Variants in ULK4 observed in about 807,000 individuals in gnomAD.
ULK4 encodes unc-51 like kinase 4.
A neutral mutation model predicts 160.6 loss-of-function variants in ULK4; 133 were observed. That is an observed-to-expected ratio of 0.83 (90% CI 0.72 to 0.96). The LOEUF (loss-of-function observed/expected upper bound fraction) is 0.96. ULK4 is among the 40% of genes least tolerant of loss of function. The pLI, the probability that ULK4 is intolerant of heterozygous loss-of-function variation, is 0.00. For synonymous variants in ULK4, 534 were observed against 539.8 expected, an observed-to-expected ratio of 0.99 and a Z score of 0.15; for missense variants, 1,580 against 1,499.5, an observed-to-expected ratio of 1.05 and a Z score of -0.89.
At chr3:41,721,150 A>G (rs1407009427) in intron 22 of ULK4, among the ~76,000 whole-genome samples, 1 of 150,620 alleles carries the variant, frequency 6.6e-6, no homozygotes, top group Non-Finnish European at 1.5e-5. Context: ...ATATTTGCTT[A>G]GATTTTTAAA....
At chr3:41,275,599 T>C (rs1473057039) in intron 35 of ULK4, among the ~76,000 whole-genome samples, 1 of 150,720 alleles carries the variant, frequency 6.6e-6, no homozygotes, top group East Asian at 2.0e-4. Flanking sequence ...TTTAAGAGAA[T>C]GGCCAAAGGG....
intron 19 of ULK4, 54 bp from the exon 20 acceptor site, chr3:41,800,347 T>A: frequency 6.6e-7 from 1 of 1,522,342 alleles, no homozygotes; most frequent in Non-Finnish European, 9.0e-7. Flanking sequence ...ATACATGTTA[T>A]TTCTTTATGA....
chr3:41,918,416 G>T, intron 7 of ULK4, 41 bp downstream of exon 7: 1 of 1,414,198 alleles, frequency 7.1e-7, no homozygotes, highest in Non-Finnish European at 9.7e-7. Context: ...TTTAATCAGT[G>T]TAAAATGTAA....
intron 20 of ULK4, among the ~76,000 whole-genome samples, chr3:41,794,654 C>G (rs2040240691): frequency 3.5e-5 from 1 of 28,360 alleles, no homozygotes; most frequent in Non-Finnish European, 5.9e-5. Context: ...GAGCAAGACT[C>G]TGTCTCAAAA....
At chr3:41,940,900 C>T (rs894481570) in intron 2 of ULK4, among the ~76,000 whole-genome samples, 4 of 152,002 alleles carry the variant, frequency 2.6e-5, no homozygotes, top group African/African-American at 7.3e-5. Context: ...TAAGTTGTTT[C>T]GGAGGTTTTG....
intron 30 of ULK4, among the ~76,000 whole-genome samples, chr3:41,655,845 T>C (rs1007155298): frequency 1.3e-5 from 2 of 152,234 alleles, no homozygotes; most frequent in African/African-American, 2.4e-5. Flanking sequence ...ACATCTCTGA[T>C]GATTTGGGCT....
intron 35 of ULK4, among the ~76,000 whole-genome samples, chr3:41,288,754 C>T (rs141485332): frequency 3.3e-5 from 5 of 152,280 alleles, no homozygotes; most frequent in Non-Finnish European, 7.4e-5. Context: ...GACCTTATAC[C>T]CCCAGTGTAT....
intron 30 of ULK4, among the ~76,000 whole-genome samples, chr3:41,652,896 A>G (rs1354147203): frequency 6.6e-6 from 1 of 152,164 alleles, no homozygotes; most frequent in Non-Finnish European, 1.5e-5. Flanking sequence ...CCAAAATTTG[A>G]TCTTGCTTCA....
At chr3:41,513,277 AC>A (rs2085647612) in intron 32 of ULK4, among the ~76,000 whole-genome samples, 1 of 152,246 alleles carries the variant, frequency 6.6e-6, no homozygotes, top group African/African-American at 2.4e-5. Context: ...AGCAAATGCA[AC>A]AAAAAACAAA....
rs559786211 is a variant in ULK4 at position 41,357,310 on chromosome 3, T to C, written c.3678+40769A>G. Reference sequence around the variant, plus strand: ...CAACCTAGACTCAACATGAAAACCTTGCCTCCTCAAGAAAGATATCATAGG... The same window carrying C: ...CAACCTAGACTCAACATGAAAACCTCGCCTCCTCAAGAAAGATATCATAGG... On this transcript the variant is annotated intron_variant, in intron 35 of 36. Coordinates refer to ENST00000301831, the MANE Select transcript of ULK4 (RefSeq NM_017886.4). Among the ~76,000 whole-genome samples the C allele has an allele frequency of 2.6e-4, 40 of 152,228 alleles. No homozygotes were observed. In the East Asian group the frequency reaches 7.5e-3, roughly 29 times the overall value.
At chr3:41,886,140 G>T (rs950989407) in intron 16 of ULK4, among the ~76,000 whole-genome samples, 2 of 152,162 alleles carry the variant, frequency 1.3e-5, no homozygotes, top group African/African-American at 4.8e-5. Flanking sequence ...GATAATCCAT[G>T]TGCAGAAAGT....
At chr3:41,696,789 CA>C (rs2036519299) in intron 27 of ULK4, among the ~76,000 whole-genome samples, 1 of 151,946 alleles carries the variant, frequency 6.6e-6, no homozygotes, top group South Asian at 2.1e-4. Flanking sequence ...CAGGTGGGTC[CA>C]ATATAATAAT....
At chr3:41,324,269 G>A (rs1329876949) in intron 35 of ULK4, among the ~76,000 whole-genome samples, 1 of 152,176 alleles carries the variant, frequency 6.6e-6, no homozygotes, top group African/African-American at 2.4e-5. Context: ...ACTGTGCAAA[G>A]GCCATTAATC....
chr3:41,495,802 T>A (rs2084967256), intron 32 of ULK4, among the ~76,000 whole-genome samples: 1 of 151,602 alleles, frequency 6.6e-6, no homozygotes, highest in South Asian at 2.1e-4. Flanking sequence ...AGAAGACATT[T>A]ACGCAGCCAA....
chr3:41,323,703 CCCA>C (rs2080289419), intron 35 of ULK4, among the ~76,000 whole-genome samples: 1 of 151,996 alleles, frequency 6.6e-6, no homozygotes, highest in Non-Finnish European at 1.5e-5. Flanking sequence ...AAATCTCACT[CCCA>C]CGAGTGCTTA....
chr3:41,255,129 T>TACACACACACACAC (rs369404667), intron 35 of ULK4, among the ~76,000 whole-genome samples: 2,849 of 144,210 alleles, frequency 0.02, 70 homozygotes, highest in East Asian at 0.12. Flanking sequence ...AAATTATGGC[T>TACACACACACACAC]ACACACACAC....
rs1491269559 is a variant in ULK4, at chr3:41,794,685, A to AAC, written c.2011-4844_2011-4843dup. On this transcript the variant is annotated intron_variant, in intron 20 of 36. Coordinates refer to ENST00000301831, the MANE Select transcript of ULK4 (RefSeq NM_017886.4). ...CAAAAAAAAAAAAAAAAAAAAAAAA[A>AAC]ACACAGAAAAAAAAACCACAAACCT... 1.6e-5 allele frequency among the ~76,000 whole-genome samples: 2 copies of AAC among 129,028 alleles called. 1 individual carries two copies. Among genetic ancestry groups the AAC allele is most frequent in the Non-Finnish European group, 3.2e-5 (2 of 62,100 alleles). 84.6% of individuals were successfully genotyped at this position (129,028 alleles called of 152,430 possible). A position where few individuals can be genotyped will look rare whatever the true frequency, so the allele number is the denominator to read the frequency against.
chr3:41,440,447 T>C (rs2083138034), intron 34 of ULK4, among the ~76,000 whole-genome samples: 1 of 152,200 alleles, frequency 6.6e-6, no homozygotes, highest in Non-Finnish European at 1.5e-5. Flanking sequence ...AGCTTGCTAA[T>C]GTATATATTA....
intron 32 of ULK4, among the ~76,000 whole-genome samples, chr3:41,479,362 A>T (rs958567841): frequency 6.6e-6 from 1 of 151,212 alleles, no homozygotes; most frequent in Non-Finnish European, 1.5e-5. Flanking sequence ...TTACAAAAAA[A>T]GTAAGGAATA....
Sources: allele counts gnomAD v4.1 joint callset (sites outside exome capture counted in the v4.1 genomes callset), GRCh38; gene constraint gnomAD v4.1.1; transcripts MANE v1.5; gene names NCBI Gene and HGNC (gene_info 2026-07-23, HGNC 2026-07-21).